Variants in NOVA1 observed in about 807,000 individuals in gnomAD.
NOVA1 encodes RNA-binding protein Nova-1.
In NOVA1, 7 loss-of-function variants were observed where a neutral mutation model predicts 38.0. The ratio of observed to expected loss-of-function variants is 0.18; its 90% confidence interval spans 0.10 to 0.35. The LOEUF (loss-of-function observed/expected upper bound fraction) is 0.35, where lower values mean the gene tolerates loss of function less well. Ranked by LOEUF, NOVA1 falls within the 10% of genes least tolerant of loss-of-function variation. The pLI is 1.00. For missense variants in NOVA1, 460 were observed against 616.0 expected (o/e 0.75, Z 2.68); for synonymous variants, 270 against 232.5 (o/e 1.16, Z -1.47).
intron 2 of NOVA1, among the ~76,000 whole-genome samples, chr14:26,562,546 A>G (rs965596979): frequency 1.3e-5 from 2 of 152,130 alleles, no homozygotes; most frequent in African/African-American, 4.8e-5. Flanking sequence ...AGGGTGAGGG[A>G]AACAACAGCA....
At chr14:26,514,217 T>C (rs570121301) in intron 2 of NOVA1, among the ~76,000 whole-genome samples, 23 of 151,836 alleles carry the variant, frequency 1.5e-4, no homozygotes, top group African/African-American at 5.3e-4. Flanking sequence ...GCACAATATA[T>C]AGATTTGACT....
At chr14:26,500,663 TGAC>T in intron 2 of NOVA1, among the ~76,000 whole-genome samples, 1 of 152,126 alleles carries the variant, frequency 6.6e-6, no homozygotes, top group East Asian at 1.9e-4. Flanking sequence ...TGGAAAAATA[TGAC>T]CATATTCATA....
intron 2 of NOVA1, among the ~76,000 whole-genome samples, chr14:26,486,430 C>T (rs950091542): frequency 6.6e-6 from 1 of 151,780 alleles, no homozygotes; most frequent in Non-Finnish European, 1.5e-5. Flanking sequence ...AGGTTCCGGG[C>T]CGGGCATGGT....
At chr14:26,462,203 C>G (rs1386663461) in intron 4 of NOVA1, among the ~76,000 whole-genome samples, 1 of 151,842 alleles carries the variant, frequency 6.6e-6, no homozygotes, top group Admixed American at 6.6e-5. Context: ...TGTATAATAA[C>G]CCTTCATAGA....
intron 2 of NOVA1, among the ~76,000 whole-genome samples, chr14:26,516,498 T>C (rs917323391): frequency 5.9e-5 from 9 of 152,172 alleles, no homozygotes; most frequent in East Asian, 1.9e-4. Flanking sequence ...TTTCTTTCCA[T>C]TGGCATTTAG....
intron 2 of NOVA1, among the ~76,000 whole-genome samples, chr14:26,530,763 A>T (rs1446252638): frequency 6.6e-6 from 1 of 152,180 alleles, no homozygotes; most frequent in Admixed American, 6.5e-5. Flanking sequence ...GGCAGAAAAA[A>T]AACATAAAAA....
chr14:26,525,248 G>A (rs1889215408), intron 2 of NOVA1, among the ~76,000 whole-genome samples: 1 of 152,098 alleles, frequency 6.6e-6, no homozygotes, highest in Admixed American at 6.6e-5. Flanking sequence ...TGTGTTGAAT[G>A]TCTCAGCTGC....
At chr14:26,596,607 G>A (rs1594603691) in intron 1 of NOVA1, 1 of 1,289,016 alleles carries the variant, frequency 7.8e-7, no homozygotes. Context: ...TTGTTAAGAT[G>A]ATTCCAGTGC....
At chr14:26,595,967 C>T (rs896795700) in intron 1 of NOVA1, 1 of 385,182 alleles carries the variant, frequency 2.6e-6, no homozygotes, top group Non-Finnish European at 5.0e-6. Context: ...AGAAGAAAAG[C>T]CCAGGACTGT....
chr14:26,459,751 A>G (rs1227207068), intron 4 of NOVA1, among the ~76,000 whole-genome samples: 1 of 152,080 alleles, frequency 6.6e-6, no homozygotes, highest in African/African-American at 2.4e-5. Context: ...TTAATACTCT[A>G]TGACATAACC....
rs1050985784 is a variant in NOVA1 at position 26,515,945 on chromosome 14, G to A, written c.281-35802C>T. ...ATCTTAAATTTTCAAGAACACAAAC[G>A]TATGTTCAACTTTATAGGATGCTCC... On this transcript the variant is annotated intron_variant, in intron 2 of 4. Transcript: ENST00000539517. Among the ~76,000 whole-genome samples the A allele has an allele frequency of 3.9e-5, 6 of 151,954 alleles. No individual in the cohort carries two copies. The East Asian group carries it at 5.8e-4, about 15-fold the overall frequency.
chr14:26,538,372 T>A (rs879765899), intron 2 of NOVA1, among the ~76,000 whole-genome samples: 8 of 152,056 alleles, frequency 5.3e-5, no homozygotes, highest in Non-Finnish European at 7.4e-5. Flanking sequence ...GAAAATGACA[T>A]GATGTCATTT....
At chr14:26,471,443 T>C (rs895094548) in intron 4 of NOVA1, among the ~76,000 whole-genome samples, 1 of 151,346 alleles carries the variant, frequency 6.6e-6, no homozygotes, top group African/African-American at 2.4e-5. Context: ...CCATAAAGCC[T>C]TTTATTATTA....
intron 2 of NOVA1, among the ~76,000 whole-genome samples, chr14:26,531,820 T>A (rs1326026924): frequency 2.0e-5 from 3 of 152,004 alleles, no homozygotes; most frequent in Admixed American, 6.6e-5. Flanking sequence ...TCACAACACA[T>A]ATATCTGACA....
rs563401938 is a variant in NOVA1 at position 26,597,507 on chromosome 14, C to CTTTTTTTTTTTTTTT, written c.-86_-72dup. The CTTTTTTTTTTTTTTT allele has an allele frequency of 1.9e-5, 15 of 782,806 alleles. No individual in the cohort carries two copies. The highest frequency in any genetic ancestry group is 4.1e-5 in the African/African-American group (1 of 24,402). 48.5% of individuals were successfully genotyped at this position (782,806 alleles called of 1,614,324 possible). A position where few individuals can be genotyped will look rare whatever the true frequency, so the allele number is the denominator to read the frequency against. The stretch of plus-strand genomic sequence containing the variant: ...GTTTTGGCTTTTTCTTTTCTTTTTT[C>CTTTTTTTTTTTTTTT]TTTTTTTTTTTTTTTTTTTTTTGCG... On this transcript the variant is annotated 5_prime_UTR_variant, in exon 1 of 5. Coordinates refer to ENST00000539517, the MANE Select transcript of NOVA1 (RefSeq NM_002515.3).
chr14:26,450,444 A>C (rs1314123015), intron 4 of NOVA1, among the ~76,000 whole-genome samples: 2 of 152,132 alleles, frequency 1.3e-5, no homozygotes, highest in African/African-American at 4.8e-5. Flanking sequence ...ACAGTAATAA[A>C]AGAAATTTAA....
intron 2 of NOVA1, among the ~76,000 whole-genome samples, chr14:26,573,752 G>A (rs1892635745): frequency 6.6e-6 from 1 of 152,132 alleles, no homozygotes; most frequent in South Asian, 2.1e-4. Context: ...TTTCTGGGTT[G>A]AAAAAGATGA....
intron 2 of NOVA1, among the ~76,000 whole-genome samples, chr14:26,494,893 T>A (rs1393560127): frequency 6.6e-6 from 1 of 152,190 alleles, no homozygotes; most frequent in Non-Finnish European, 1.5e-5. Context: ...AAATATTATG[T>A]AATTTACCTG....
chr14:26,504,073 T>G (rs1218295844), intron 2 of NOVA1, among the ~76,000 whole-genome samples: 3 of 152,158 alleles, frequency 2.0e-5, no homozygotes, highest in African/African-American at 7.2e-5. Flanking sequence ...AGAAGGTATA[T>G]ATACCATTTA....
Sources: gnomAD v4.1 joint callset for allele counts (sites outside exome capture counted in the v4.1 genomes callset) on GRCh38, gnomAD v4.1.1 for gene constraint, MANE v1.5 for transcripts, NCBI Gene and HGNC (gene_info 2026-07-23, HGNC 2026-07-21) for gene names.